Variants in CLEC4A observed in about 807,000 individuals in gnomAD.
CLEC4A encodes the protein C-type (calcium dependent, carbohydrate-recognition domain) lectin, superfamily member 6.
In CLEC4A, 27 loss-of-function variants were observed where a neutral mutation model predicts 32.7. The observed-to-expected ratio is 0.83, with a 90% CI of 0.61 to 1.14. CLEC4A has a LOEUF of 1.14. CLEC4A is among the 50% of genes most tolerant of loss of function. The pLI is 0.00. For synonymous variants in CLEC4A, 89 were observed against 93.7 expected (o/e 0.95, Z 0.29); for missense variants, 253 against 274.6 (o/e 0.92, Z 0.55).
At chr12:8,107,020 T>C in the CLEC4A span, among the ~76,000 whole-genome samples, 36 of 152,194 alleles carry the variant, frequency 2.4e-4, no homozygotes, top group Non-Finnish European at 4.6e-4. Context: ...CTGTCATAGA[T>C]GGTTCTTATT....
chr12:8,119,311 GC>G, upstream of CLEC4A, among the ~76,000 whole-genome samples: 1 of 152,280 alleles, frequency 6.6e-6, no homozygotes, highest in Admixed American at 6.5e-5. Flanking sequence ...TGCAACTTCT[GC>G]CTCCCAGGTT....
At chr12:8,119,551 A>G (rs1369078188), upstream of CLEC4A, among the ~76,000 whole-genome samples, 1 of 152,240 alleles carries the variant, frequency 6.6e-6, no homozygotes, top group Non-Finnish European at 1.5e-5. Flanking sequence ...AAAGAAATAC[A>G]TGCTTATAAA....
At chr12:8,123,603 T>C (rs1031683908), upstream of CLEC4A, 6 of 287,860 alleles carry the variant, frequency 2.1e-5, no homozygotes, top group Non-Finnish European at 3.2e-5. Flanking sequence ...TTCCCACTTT[T>C]ATTGCATTTG....
chr12:8,106,106 C>T, the CLEC4A span, among the ~76,000 whole-genome samples: 12 of 152,182 alleles, frequency 7.9e-5, no homozygotes, highest in East Asian at 5.8e-4. Flanking sequence ...TTCTGCATAT[C>T]GCTAGCTAGT....
Position 8,138,253 on chromosome 12 carries a change from G to A in CLEC4A, c.680G>A (p.Arg227Lys), listed in dbSNP as rs1308862154. 5 of 1,613,960 alleles carry A rather than the reference G, an allele frequency of 3.1e-6. No homozygotes were observed. The highest frequency in any genetic ancestry group is 1.3e-5 in the African/African-American group (1 of 74,888). ...GATGTTAATTGTCTTGGTCCTCAAA[G>A]GTCAGTTTGTGAGATGATGAAGATC... ...WNDVNCLGPQ[R>K]SVCEMMKIHL is the part of the protein sequence containing the mutation. The change falls in exon 6 of 6, where the codon AGG becomes AAG. Residue 227 changes from arginine to lysine, a missense_variant. By Grantham distance (26) the Arg-to-Lys change is conservative (BLOSUM62 2). Transcript: ENST00000229332.
chr12:8,135,755 T>C lies in CLEC4A; in HGVS notation c.450+19T>C, dbSNP rs1565406924. ...AGAGCAGGTACTTTCTAATAGATAATGGGGCTGTGAGCCCTGCCTGATCTT... is the reference window on the plus strand; with the variant it reads ...AGAGCAGGTACTTTCTAATAGATAACGGGGCTGTGAGCCCTGCCTGATCTT... On this transcript the variant is annotated intron_variant, in intron 4 of 5. Coordinates refer to ENST00000229332, the MANE Select transcript of CLEC4A (RefSeq NM_016184.4). The C allele has an allele frequency of 1.9e-6, 3 of 1,612,466 alleles. No individual in the cohort carries two copies. The highest frequency in any genetic ancestry group is 2.2e-5 in the East Asian group (1 of 44,870).
At chr12:8,131,783 C>T (rs1947999693) in intron 3 of CLEC4A, among the ~76,000 whole-genome samples, 1 of 150,646 alleles carries the variant, frequency 6.6e-6, no homozygotes, top group South Asian at 2.1e-4. Context: ...TTTATATAAT[C>T]ATTTAGTTAT....
the CLEC4A span, among the ~76,000 whole-genome samples, chr12:8,104,245 A>C: frequency 6.6e-6 from 1 of 152,038 alleles, no homozygotes; most frequent in South Asian, 2.1e-4. Flanking sequence ...GAGATACACC[A>C]GTTGTGACAA....
the CLEC4A span, among the ~76,000 whole-genome samples, chr12:8,110,246 G>T: frequency 6.6e-6 from 1 of 151,902 alleles, no homozygotes; most frequent in African/African-American, 2.4e-5. Flanking sequence ...ACCCTCTGGG[G>T]TGAAATATGG....
intron 3 of CLEC4A, chr12:8,134,107 G>C: frequency 6.3e-7 from 1 of 1,594,778 alleles, no homozygotes; most frequent in Admixed American, 1.8e-5. Flanking sequence ...GGCACCGCAG[G>C]AACAAATTCT....
upstream of CLEC4A, among the ~76,000 whole-genome samples, chr12:8,121,997 G>T (rs377725577): frequency 4.6e-5 from 7 of 152,122 alleles, no homozygotes; most frequent in East Asian, 1.2e-3. Context: ...GAGCATCCTT[G>T]CAGAGGGTAG....
chr12:8,109,950 G>A, the CLEC4A span, among the ~76,000 whole-genome samples: 6 of 152,188 alleles, frequency 3.9e-5, no homozygotes, highest in South Asian at 2.1e-4. Context: ...GAGGAGAAAC[G>A]GGGAGTAAGG....
chr12:8,137,490 G>T (rs1002037098), intron 5 of CLEC4A, among the ~76,000 whole-genome samples: 17 of 152,062 alleles, frequency 1.1e-4, no homozygotes, highest in Non-Finnish European at 2.4e-4. Flanking sequence ...GCTAAATTCT[G>T]ATAATCTTAT....
chr12:8,133,944 G>C (rs1948044615), intron 3 of CLEC4A: 7 of 1,608,216 alleles, frequency 4.4e-6, no homozygotes, highest in Non-Finnish European at 5.9e-6. Context: ...CCTGAGAAAG[G>C]AGACCCAACA....
At position 8,129,379 on chromosome 12, in the gene CLEC4A, C is replaced by T; in HGVS notation, c.298+17C>T. The stretch of plus-strand genomic sequence containing the variant: ...CCGTGGAAGGTAAAAATTAATGTGC[C>T]TAGAATTCAGTTGCTGAATGTACTA... On this transcript the variant is annotated intron_variant, in intron 3 of 5. Transcript: ENST00000229332. 1 of 1,501,604 alleles carries T rather than the reference C, an allele frequency of 6.7e-7. No homozygotes were observed. Among genetic ancestry groups the T allele is most frequent in the Non-Finnish European group, 9.3e-7 (1 of 1,080,638 alleles). The allele number at this position is 1,501,604 out of a possible 1,614,324, so 93.0% of individuals were successfully genotyped here. A position where few individuals can be genotyped will look rare whatever the true frequency, so the allele number is the denominator to read the frequency against.
At chr12:8,106,768 G>A in the CLEC4A span, among the ~76,000 whole-genome samples, 1 of 152,172 alleles carries the variant, frequency 6.6e-6, no homozygotes, top group Non-Finnish European at 1.5e-5. Context: ...AGATCTAGAA[G>A]CTTTTGGGCA....
the CLEC4A span, among the ~76,000 whole-genome samples, chr12:8,109,853 G>A: frequency 6.0e-4 from 92 of 152,244 alleles, no homozygotes; most frequent in Middle Eastern, 3.4e-3. Flanking sequence ...GTGTAAGGGC[G>A]AAATGACAGG....
At chr12:8,119,791 G>A (rs545284081), upstream of CLEC4A, among the ~76,000 whole-genome samples, 25 of 152,258 alleles carry the variant, frequency 1.6e-4, no homozygotes, top group African/African-American at 4.8e-4. Context: ...TTGAGGGCAC[G>A]CCCTTCATAA....
intron 2 of CLEC4A, among the ~76,000 whole-genome samples, chr12:8,127,477 G>A (rs1253655959): frequency 2.6e-5 from 4 of 152,186 alleles, no homozygotes; most frequent in Admixed American, 6.5e-5. Flanking sequence ...TGTAGATACA[G>A]GGTATGTTGA....
Sources: allele counts gnomAD v4.1 joint callset (sites outside exome capture counted in the v4.1 genomes callset), GRCh38; gene constraint gnomAD v4.1.1; transcripts MANE v1.5; gene names NCBI Gene and HGNC (gene_info 2026-07-23, HGNC 2026-07-21).